The following KDM4C variants were observed in gnomAD, a reference collection of about 807,000 sequenced individuals.
The protein encoded by KDM4C is lysine-specific demethylase 4C.
KDM4C carries 81 observed loss-of-function variants against 129.3 expected under a neutral mutation model. That is an observed-to-expected ratio of 0.63 (90% CI 0.52 to 0.75). The LOEUF is 0.75. KDM4C is among the 30% of genes least tolerant of loss of function. The pLI, the probability that KDM4C is intolerant of heterozygous loss-of-function variation, is 0.00. For synonymous variants in KDM4C, 573 were observed against 456.1 expected, an observed-to-expected ratio of 1.26 and a Z score of -3.26; for missense variants, 1,457 against 1,304.0, an observed-to-expected ratio of 1.12 and a Z score of -1.81.
chr9:6,913,817 G>A (rs968371334), intron 8 of KDM4C, among the ~76,000 whole-genome samples: 1 of 152,216 alleles, frequency 6.6e-6, no homozygotes, highest in Non-Finnish European at 1.5e-5. Flanking sequence ...GACATCCTTT[G>A]AGGCCACACT....
intron 19 of KDM4C, among the ~76,000 whole-genome samples, chr9:7,130,447 C>G (rs755594151): frequency 6.6e-6 from 1 of 152,212 alleles, no homozygotes; most frequent in Non-Finnish European, 1.5e-5. Context: ...TTTCCTTCCT[C>G]TGTGAACCAG....
intron 8 of KDM4C, among the ~76,000 whole-genome samples, chr9:6,914,833 C>G (rs1304544092): frequency 6.6e-6 from 1 of 152,222 alleles, no homozygotes; most frequent in Non-Finnish European, 1.5e-5. Context: ...TCGCCAGACA[C>G]CAAATCTGCT....
At chr9:7,139,641 A>G (rs1159561769) in intron 19 of KDM4C, among the ~76,000 whole-genome samples, 1 of 152,148 alleles carries the variant, frequency 6.6e-6, no homozygotes, top group Non-Finnish European at 1.5e-5. Flanking sequence ...AACTTTTCCT[A>G]TTTTGTTCCC....
rs143108242 is a variant in KDM4C at position 6,834,175 on chromosome 9, A to T, written c.436-15332A>T. 3.8e-3 allele frequency among the ~76,000 whole-genome samples: 567 copies of T among 151,158 alleles called. 2 individuals are homozygous for T. Among genetic ancestry groups the T allele is most frequent in the African/African-American group, 0.013 (547 of 41,152 alleles). Reference sequence around the variant, plus strand: ...TGCCCCAGTCTCCCAAAAAGCTGGGACTACAGGCGTGCGCCACCATGCCCA... The same window carrying T: ...TGCCCCAGTCTCCCAAAAAGCTGGGTCTACAGGCGTGCGCCACCATGCCCA... On this transcript the variant is annotated intron_variant, in intron 4 of 21. Coordinates refer to ENST00000381309, the MANE Select transcript of KDM4C (RefSeq NM_015061.6).
intron 4 of KDM4C, among the ~76,000 whole-genome samples, chr9:6,824,475 T>C (rs948071345): frequency 1.3e-5 from 2 of 152,210 alleles, no homozygotes; most frequent in Admixed American, 1.3e-4. Flanking sequence ...TGAACTCTTT[T>C]ACTCCAAGAC....
intron 8 of KDM4C, among the ~76,000 whole-genome samples, chr9:6,934,679 G>T (rs76197616): frequency 0.26 from 38,689 of 151,436 alleles, 5,377 homozygotes; most frequent in South Asian, 0.4. Context: ...GGCCAGGATG[G>T]TCTCAATCTC....
chr9:6,812,316 A>T (rs1334008023), intron 3 of KDM4C, among the ~76,000 whole-genome samples: 1 of 152,152 alleles, frequency 6.6e-6, no homozygotes, highest in Non-Finnish European at 1.5e-5. Flanking sequence ...TTAGGGCTTC[A>T]GTTTCCAACA....
At chr9:7,076,816 A>G in intron 17 of KDM4C, 1 of 1,019,036 alleles carries the variant, frequency 9.8e-7, no homozygotes, top group Non-Finnish European at 1.2e-6. Flanking sequence ...GTCCTACTAC[A>G]GCCTCAAAAA....
chr9:7,156,978 T>C (rs1182209685), intron 19 of KDM4C, among the ~76,000 whole-genome samples: 2 of 152,228 alleles, frequency 1.3e-5, no homozygotes, highest in East Asian at 1.9e-4. Context: ...ATTCTTCCTA[T>C]CCATGAGCAT....
intron 12 of KDM4C, among the ~76,000 whole-genome samples, chr9:7,011,148 G>C (rs537679456): frequency 6.6e-6 from 1 of 152,318 alleles, no homozygotes; most frequent in East Asian, 1.9e-4. Context: ...TTATATCCAT[G>C]TAATGCCAGT....
At chr9:6,763,151 C>A (rs1045701286) in intron 1 of KDM4C, among the ~76,000 whole-genome samples, 4 of 152,102 alleles carry the variant, frequency 2.6e-5, no homozygotes, top group African/African-American at 9.7e-5. Context: ...GGAAGCCTAT[C>A]CCCCCTGCTC....
intron 4 of KDM4C, among the ~76,000 whole-genome samples, chr9:6,832,507 G>C (rs1347314354): frequency 1.3e-4 from 16 of 125,774 alleles, no homozygotes; most frequent in East Asian, 7.8e-4. Flanking sequence ...CTCACTGCAA[G>C]CTCCGCCTCC....
At chr9:6,927,105 A>ATCTG (rs1164578901) in intron 8 of KDM4C, among the ~76,000 whole-genome samples, 2 of 148,114 alleles carry the variant, frequency 1.4e-5, no homozygotes, top group East Asian at 4.5e-4. Flanking sequence ...CTATCTATCT[A>ATCTG]TCTATCTATC....
intron 12 of KDM4C, among the ~76,000 whole-genome samples, chr9:7,010,859 C>A (rs1460349753): frequency 6.6e-6 from 1 of 152,010 alleles, no homozygotes; most frequent in Admixed American, 6.6e-5. Flanking sequence ...GCCTGGCCAT[C>A]ATGGTGAAAC....
chr9:7,078,529 A>G (rs1171005762), intron 17 of KDM4C, among the ~76,000 whole-genome samples: 3 of 152,080 alleles, frequency 2.0e-5, no homozygotes, highest in Non-Finnish European at 4.4e-5. Flanking sequence ...TCAACATGGA[A>G]GGTTCTCTTC....
chr9:7,058,058 T>G (rs1172349305), intron 17 of KDM4C, among the ~76,000 whole-genome samples: 1 of 152,150 alleles, frequency 6.6e-6, no homozygotes, highest in Non-Finnish European at 1.5e-5. Flanking sequence ...TACCCTCTCA[T>G]CTATTTCTGG....
At chr9:7,104,903 T>G (rs919448885) in intron 18 of KDM4C, among the ~76,000 whole-genome samples, 3 of 152,104 alleles carry the variant, frequency 2.0e-5, no homozygotes, top group African/African-American at 7.2e-5. Context: ...TCCATTGACA[T>G]CTTGAGAGAT....
At chr9:7,131,546 G>A (rs943787799) in intron 19 of KDM4C, among the ~76,000 whole-genome samples, 26 of 152,044 alleles carry the variant, frequency 1.7e-4, no homozygotes, top group African/African-American at 4.8e-4. Flanking sequence ...TTGAACTCCC[G>A]GGCTCAACTT....
At chr9:6,920,532 C>T (rs1821301703) in intron 8 of KDM4C, among the ~76,000 whole-genome samples, 1 of 133,794 alleles carries the variant, frequency 7.5e-6, no homozygotes, top group African/African-American at 3.2e-5. Context: ...CACTGCACTC[C>T]AGCCTCAGCA....
Sources: gnomAD v4.1 joint callset for allele counts (sites outside exome capture counted in the v4.1 genomes callset) on GRCh38, gnomAD v4.1.1 for gene constraint, MANE v1.5 for transcripts, NCBI Gene and HGNC (gene_info 2026-07-23, HGNC 2026-07-21) for gene names.